STX3: variants seen among roughly 807,000 people sequenced by gnomAD.
STX3 encodes the protein syntaxin-3.
A neutral mutation model predicts 40.2 loss-of-function variants in STX3; 19 were observed. That is an observed-to-expected ratio of 0.47 (90% CI 0.33 to 0.69). The LOEUF (loss-of-function observed/expected upper bound fraction) is 0.69, where lower values mean the gene tolerates loss of function less well. STX3 is among the 30% of genes least tolerant of loss of function. The pLI, the probability that STX3 is intolerant of heterozygous loss-of-function variation, is 0.02. For synonymous variants in STX3, 122 were observed against 132.2 expected (o/e 0.92, Z 0.53); for missense variants, 364 against 366.7 (o/e 0.99, Z 0.06).
Position 59,776,254 on chromosome 11 carries a change from G to T in STX3, c.114+2960G>T, listed in dbSNP as rs137941332. On this transcript the variant is annotated intron_variant, in intron 2 of 10. Transcript: ENST00000337979. ...TTACCAGTGGTACAATTTTGGAAAAGTTAACTACTCTAAACCCCAGTTTTC... is the reference window on the plus strand; with the variant it reads ...TTACCAGTGGTACAATTTTGGAAAATTTAACTACTCTAAACCCCAGTTTTC... 3.7e-3 allele frequency among the ~76,000 whole-genome samples: 563 copies of T among 152,226 alleles called. 4 individuals are homozygous for T. Among genetic ancestry groups the T allele is most frequent in the African/African-American group, 0.013 (537 of 41,534 alleles).
intron 1 of STX3, among the ~76,000 whole-genome samples, chr11:59,756,819 G>A (rs950067158): frequency 2.6e-5 from 4 of 152,180 alleles, no homozygotes; most frequent in African/African-American, 9.7e-5. Context: ...TGCATGGCAC[G>A]GGGGACTTAA....
At chr11:59,780,040 A>G (rs1864256904) in intron 2 of STX3, among the ~76,000 whole-genome samples, 1 of 152,116 alleles carries the variant, frequency 6.6e-6, no homozygotes. Flanking sequence ...CTTGCCAGTC[A>G]TTTGCCTATT....
intron 2 of STX3, among the ~76,000 whole-genome samples, chr11:59,776,552 A>G (rs1236226491): frequency 2.0e-5 from 3 of 152,136 alleles, no homozygotes; most frequent in African/African-American, 7.2e-5. Context: ...TGCCCACTAC[A>G]CCCTGCAGGT....
Position 59,762,739 on chromosome 11 carries a change from G to T in STX3, c.30+7104G>T, listed in dbSNP as rs182885235. 5.0e-3 allele frequency among the ~76,000 whole-genome samples: 759 copies of T among 152,226 alleles called. 6 individuals carry two copies. The highest frequency in any genetic ancestry group is 8.6e-3 in the Non-Finnish European group (583 of 67,996). Reference sequence around the variant, plus strand: ...AGTGGAAGAGAGGGAAGAAGTGTGGGGTGGAGGAGGAAGGATCTAAAGGAC... The same window carrying T: ...AGTGGAAGAGAGGGAAGAAGTGTGGTGTGGAGGAGGAAGGATCTAAAGGAC... On this transcript the variant is annotated intron_variant, in intron 1 of 10. Transcript: ENST00000337979.
intron 10 of STX3, chr11:59,800,630 C>T: frequency 7.1e-6 from 7 of 985,368 alleles, no homozygotes; most frequent in Non-Finnish European, 8.4e-6. Context: ...TGTGAGAAGG[C>T]TTATAAAAGG....
At chr11:59,795,347 T>C (rs1865447988) in intron 8 of STX3, 25 bp from the exon 9 acceptor site, 27 of 1,589,712 alleles carry the variant, frequency 1.7e-5, no homozygotes, top group Non-Finnish European at 2.2e-5. Context: ...GTTTACTTGG[T>C]GTGATCAGAG....
Position 59,800,865 on chromosome 11 carries a change from C to T in STX3, c.*41C>T, listed in dbSNP as rs1205895292. 2 of 1,536,386 alleles carry T rather than the reference C, an allele frequency of 1.3e-6. No homozygotes were observed. Among genetic ancestry groups the T allele is most frequent in the South Asian group, 1.2e-5 (1 of 84,058 alleles). ...TTCCCTGCCTCCTAGAAACTGATTT[C>T]ACTCCAGACTGGTGTGGCCACCCTT... On this transcript the variant is annotated 3_prime_UTR_variant, in exon 11 of 11. Transcript: ENST00000337979.
At chr11:59,789,039 A>G (rs1278889663) in intron 4 of STX3, 92 bp downstream of exon 4, 6 of 1,150,756 alleles carry the variant, frequency 5.2e-6, no homozygotes, top group Non-Finnish European at 3.7e-6. Context: ...ACTCCTCTTG[A>G]TGGAAGTGAC....
rs138648287 is a variant in STX3, at chr11:59,789,826, A to G, written c.290-693A>G. ...GTCTACAGATATTTCTTGGTGGGCT[A>G]GGCATACCACCTTCCCATACCCTCA... On this transcript the variant is annotated intron_variant, in intron 4 of 10. Coordinates refer to ENST00000337979, the MANE Select transcript of STX3 (RefSeq NM_004177.5). 4.7e-3 allele frequency among the ~76,000 whole-genome samples: 717 copies of G among 152,270 alleles called. 8 individuals carry two copies. The highest frequency in any genetic ancestry group is 0.017 in the African/African-American group (689 of 41,552).
intron 1 of STX3, among the ~76,000 whole-genome samples, chr11:59,758,250 CAAG>C (rs1272089455): frequency 6.6e-6 from 1 of 152,078 alleles, no homozygotes; most frequent in Non-Finnish European, 1.5e-5. Flanking sequence ...GGGAAGGAAG[CAAG>C]AAGCTTGTTG....
rs1183611805 is a variant in STX3 at position 59,800,898 on chromosome 11, G to A, written c.*74G>A. 6.5e-7 allele frequency: 1 copy of A among 1,536,276 alleles called. No homozygotes were observed. The highest frequency in any genetic ancestry group is 1.4e-5 in the African/African-American group (1 of 73,152). On this transcript the variant is annotated 3_prime_UTR_variant, in exon 11 of 11. Coordinates refer to ENST00000337979, the MANE Select transcript of STX3 (RefSeq NM_004177.5). ...ACTGGTGTGGCCACCCTTGTCTTCAGATGAGAATGGAGTCTGAATGGCCTT... is the reference window on the plus strand; with the variant it reads ...ACTGGTGTGGCCACCCTTGTCTTCAAATGAGAATGGAGTCTGAATGGCCTT...
At chr11:59,799,245 A>G (rs531982515) in intron 10 of STX3, among the ~76,000 whole-genome samples, 1 of 152,206 alleles carries the variant, frequency 6.6e-6, no homozygotes, top group Non-Finnish European at 1.5e-5. Context: ...TTAAAAAAAA[A>G]CCTATAAAAT....
intron 1 of STX3, among the ~76,000 whole-genome samples, chr11:59,758,061 G>C (rs1230363084): frequency 2.6e-5 from 4 of 152,186 alleles, no homozygotes; most frequent in Admixed American, 6.5e-5. Flanking sequence ...TCCTGGGGAG[G>C]GGAGGTGGTA....
At chr11:59,776,074 C>CTTA (rs1863948152) in intron 2 of STX3, among the ~76,000 whole-genome samples, 1 of 152,158 alleles carries the variant, frequency 6.6e-6, no homozygotes, top group South Asian at 2.1e-4. Context: ...TCAGAAAGTA[C>CTTA]TTAGCATGGG....
intron 1 of STX3, among the ~76,000 whole-genome samples, chr11:59,771,107 C>T (rs527721180): frequency 6.6e-6 from 1 of 152,238 alleles, no homozygotes; most frequent in South Asian, 2.1e-4. Context: ...GAAGGTGTTT[C>T]GAGCAGACAC....
rs1042621575 is a variant in STX3 at position 59,801,130 on chromosome 11, C to T, written c.*306C>T. 4 of 1,341,200 alleles carry T rather than the reference C, an allele frequency of 3.0e-6. No homozygotes were observed. The highest frequency in any genetic ancestry group is 3.8e-6 in the Non-Finnish European group (4 of 1,044,776). The allele number at this position is 1,341,200 out of a possible 1,614,324, so 83.1% of individuals were successfully genotyped here. On this transcript the variant is annotated 3_prime_UTR_variant, in exon 11 of 11. Transcript: ENST00000337979. ...AGCTTTCTTCCTCCCTGTTGTGTGT[C>T]AGATTATGCCTTGCACTTGGGAAAG...
Position 59,800,374 on chromosome 11 carries a change from C to T in STX3, c.*31-481C>T, listed in dbSNP as rs1865812091. The T allele has an allele frequency of 4.1e-6, 4 of 985,126 alleles. No individual in the cohort carries two copies. The African/African-American group carries it at 7.0e-5, about 17-fold the overall frequency. The allele number at this position is 985,126 out of a possible 1,614,324, so 61.0% of individuals were successfully genotyped here. A position where few individuals can be genotyped will look rare whatever the true frequency, so the allele number is the denominator to read the frequency against. On this transcript the variant is annotated intron_variant, in intron 10 of 10. Transcript: ENST00000337979. ...AAGAGCAATGAAGTTAAGGAACTTG[C>T]CCAAGACTACATAGCTCATAAGGTG... is the stretch of plus-strand genomic sequence containing the variant.
rs575466775 is a variant in STX3, at chr11:59,805,189, AAAAC to A, written c.*4369_*4372del. On this transcript the variant is annotated 3_prime_UTR_variant, in exon 11 of 11. Coordinates refer to ENST00000337979, the MANE Select transcript of STX3 (RefSeq NM_004177.5). ...CTAAATTCCATCTAAAAAAAAAAAA[AAAAC>A]AAAAAAAAAAAACTGTTCTTAATAC... 1 of 149,510 alleles carries A rather than the reference AAAAC, an allele frequency of 6.7e-6. No homozygotes were observed. Among genetic ancestry groups the A allele is most frequent in the Non-Finnish European group, 1.5e-5 (1 of 67,446 alleles). The allele number at this position is 149,510 out of a possible 1,614,324, so 9.3% of individuals were successfully genotyped here.
In STX3 at chr11:59,804,786, A is replaced by G. The variant is rs1866016105; in HGVS notation, c.*3962A>G. On this transcript the variant is annotated 3_prime_UTR_variant, in exon 11 of 11. Transcript: ENST00000337979. ...ACATCAGTAGAACACTCTGTGAACC[A>G]TAACAAAGAACAGATAAAGGTGTCA... 6.6e-6 allele frequency: 1 copy of G among 152,232 alleles called. No homozygotes were observed. Among genetic ancestry groups the G allele is most frequent in the South Asian group, 2.1e-4 (1 of 4,834 alleles). The allele number at this position is 152,232 out of a possible 1,614,324, so 9.4% of individuals were successfully genotyped here.
Sources: gnomAD v4.1 joint callset for allele counts (sites outside exome capture counted in the v4.1 genomes callset) on GRCh38, gnomAD v4.1.1 for gene constraint, MANE v1.5 for transcripts, NCBI Gene and HGNC (gene_info 2026-07-23, HGNC 2026-07-21) for gene names.